MIPOL1: variants seen among roughly 807,000 people sequenced by gnomAD.
MIPOL1 encodes mirror-image polydactyly 1, also known as mirror-image polydactyly gene 1 protein.
In MIPOL1, 57 loss-of-function variants were observed where a neutral mutation model predicts 60.9. The ratio of observed to expected loss-of-function variants is 0.94; its 90% CI spans 0.76 to 1.17. The LOEUF is 1.17. MIPOL1 is among the 50% of genes most tolerant of loss of function. MIPOL1 has a pLI of 0.00. For synonymous variants in MIPOL1, 179 were observed against 168.8 expected (o/e 1.06, Z -0.47); for missense variants, 551 against 511.6 (o/e 1.08, Z -0.74).
chr14:37,362,479 T>C (rs1271522334), intron 9 of MIPOL1, among the ~76,000 whole-genome samples: 1 of 152,254 alleles, frequency 6.6e-6, no homozygotes, highest in Non-Finnish European at 1.5e-5. Flanking sequence ...ATAGATGCAC[T>C]GTTAGTCTGA....
chr14:37,519,237 G>T (rs1384660120), intron 12 of MIPOL1, among the ~76,000 whole-genome samples: 1 of 151,960 alleles, frequency 6.6e-6, no homozygotes, highest in Non-Finnish European at 1.5e-5. Flanking sequence ...AATCAGGGTG[G>T]GTTTAGACAT....
chr14:37,308,820 A>T (rs1283159806), intron 9 of MIPOL1, among the ~76,000 whole-genome samples: 1 of 152,216 alleles, frequency 6.6e-6, no homozygotes, highest in East Asian at 1.9e-4. Context: ...AATCACTTTT[A>T]TATGGGACTT....
intron 11 of MIPOL1, among the ~76,000 whole-genome samples, chr14:37,433,808 G>A (rs754438773): frequency 6.6e-5 from 10 of 151,898 alleles, no homozygotes; most frequent in African/African-American, 2.2e-4. Flanking sequence ...CACCTGCCTC[G>A]GCCTCCCAAA....
chr14:37,391,746 A>G (rs1387514347), intron 10 of MIPOL1, among the ~76,000 whole-genome samples: 1 of 152,158 alleles, frequency 6.6e-6, no homozygotes, highest in African/African-American at 2.4e-5. Flanking sequence ...CCATGTAGAA[A>G]TTAAAGTCCA....
intron 12 of MIPOL1, chr14:37,506,745 A>C (rs2095280075): frequency 1.3e-5 from 2 of 152,356 alleles, no homozygotes; most frequent in South Asian, 4.1e-4. Flanking sequence ...AAATTGACAA[A>C]TGGGATCTAA....
chr14:37,278,548 A>G (rs1215882433), intron 6 of MIPOL1: 1 of 151,790 alleles, frequency 6.6e-6, no homozygotes, highest in Non-Finnish European at 1.5e-5. Context: ...ATTTTCCAAC[A>G]TGAATTATTA....
chr14:37,423,801 G>GC (rs1189591564), intron 11 of MIPOL1: 3 of 152,200 alleles, frequency 2.0e-5, no homozygotes, highest in Admixed American at 6.5e-5. Context: ...AAGTTTTACT[G>GC]AAGTACAATT....
At chr14:37,436,744 G>A (rs2153563190) in intron 11 of MIPOL1, among the ~76,000 whole-genome samples, 1 of 152,292 alleles carries the variant, frequency 6.6e-6, no homozygotes, top group Admixed American at 6.5e-5. Context: ...ACTTAACATT[G>A]TTATTTTGCC....
chr14:37,526,400 C>G (rs1317518535), intron 12 of MIPOL1, among the ~76,000 whole-genome samples: 1 of 143,342 alleles, frequency 7.0e-6, no homozygotes, highest in African/African-American at 2.6e-5. Context: ...GACGGAGTCT[C>G]GTTCTGTCGT....
rs538847986 is a variant in MIPOL1 at position 37,298,176 on chromosome 14, A to C, written c.624-9880A>C. On this transcript the variant is annotated intron_variant, in intron 7 of 12. Coordinates refer to ENST00000684589, the MANE Select transcript of MIPOL1 (RefSeq NM_001388067.1). ...TCTACAACTATCTGATCTTTGACAA[A>C]CCTGAGAAAAACAAGCAATGGGGAA... Among the ~76,000 whole-genome samples, 11 of 152,302 alleles carry C rather than the reference A, an allele frequency of 7.2e-5. No homozygotes were observed. The South Asian group carries it at 2.1e-3, about 29-fold the overall frequency.
In MIPOL1 at chr14:37,270,488, G is replaced by GAA. The variant is rs1431141474; in HGVS notation, c.458_459dup (p.Glu154LysfsTer35). ...TAAAGTTTAAGCTGGAACTCCAAGAGAAAGAAACAGAAGCTAAAATTGCTG... is the reference window on the plus strand; with the variant it reads ...TAAAGTTTAAGCTGGAACTCCAAGAGAAAAAGAAACAGAAGCTAAAATTGCTG... On this transcript the variant is annotated frameshift_variant, in exon 6 of 13. Coordinates refer to ENST00000684589, the MANE Select transcript of MIPOL1 (RefSeq NM_001388067.1). LOFTEE classifies it high-confidence loss of function. 5 of 1,599,700 alleles carry GAA rather than the reference G, an allele frequency of 3.1e-6. No homozygotes were observed. The highest frequency in any genetic ancestry group is 4.3e-6 in the Non-Finnish European group (5 of 1,172,876).
intron 9 of MIPOL1, among the ~76,000 whole-genome samples, chr14:37,310,329 C>G (rs1163345407): frequency 1.3e-5 from 2 of 152,078 alleles, no homozygotes; most frequent in African/African-American, 2.4e-5. Context: ...CTGGCAACTT[C>G]TTGCCTTTTG....
intron 9 of MIPOL1, among the ~76,000 whole-genome samples, chr14:37,359,889 T>C (rs569270573): frequency 5.3e-5 from 8 of 152,318 alleles, no homozygotes; most frequent in Admixed American, 5.2e-4. Flanking sequence ...GGCATCCTTG[T>C]CTTGTGCCGG....
chr14:37,367,610 C>G (rs1341751060), intron 9 of MIPOL1, among the ~76,000 whole-genome samples: 2 of 151,986 alleles, frequency 1.3e-5, no homozygotes, highest in Non-Finnish European at 1.5e-5. Context: ...TGTCAGCTTA[C>G]AAAATCACAT....
At chr14:37,342,408 A>T (rs550860628) in intron 9 of MIPOL1, among the ~76,000 whole-genome samples, 1 of 144,402 alleles carries the variant, frequency 6.9e-6, no homozygotes. Flanking sequence ...GCAAATCACA[A>T]TTTTTTTTTT....
chr14:37,462,978 G>C (rs1036693235), intron 11 of MIPOL1, among the ~76,000 whole-genome samples: 1 of 152,026 alleles, frequency 6.6e-6, no homozygotes, highest in Non-Finnish European at 1.5e-5. Flanking sequence ...CACATTTTCG[G>C]GTATCTTTTC....
At chr14:37,427,450 T>G (rs1449430959) in intron 11 of MIPOL1, among the ~76,000 whole-genome samples, 3 of 152,136 alleles carry the variant, frequency 2.0e-5, no homozygotes, top group Non-Finnish European at 2.9e-5. Context: ...AATTATATGA[T>G]TTACATAGAG....
chr14:37,406,792 T>C (rs566172171), intron 10 of MIPOL1, among the ~76,000 whole-genome samples: 1 of 152,202 alleles, frequency 6.6e-6, no homozygotes, highest in East Asian at 1.9e-4. Context: ...GATTAGTCTC[T>C]GTTCTAGACA....
intron 7 of MIPOL1, among the ~76,000 whole-genome samples, chr14:37,298,699 G>T (rs1204552110): frequency 1.3e-5 from 2 of 152,130 alleles, no homozygotes; most frequent in African/African-American, 2.4e-5. Flanking sequence ...ATGAAAAAAT[G>T]CTCATCATCA....
Sources: gnomAD v4.1 joint callset for allele counts (sites outside exome capture counted in the v4.1 genomes callset) on GRCh38, gnomAD v4.1.1 for gene constraint, MANE v1.5 for transcripts, NCBI Gene and HGNC (gene_info 2026-07-23, HGNC 2026-07-21) for gene names.